RAB38: variants seen among roughly 807,000 people sequenced by gnomAD.
RAB38 encodes the protein RAB38, member RAS oncogene family, also known as ras-related protein Rab-38.
A neutral mutation model predicts 18.4 loss-of-function variants in RAB38; 15 were observed. The ratio of observed to expected loss-of-function variants is 0.82; its 90% CI spans 0.55 to 1.26. The LOEUF (loss-of-function observed/expected upper bound fraction) is 1.26. Among genes scored for constraint, RAB38 ranks in the 50% most tolerant of loss-of-function variants. RAB38 has a pLI of 0.00. For synonymous variants in RAB38, 101 were observed against 104.4 expected (o/e 0.97, Z 0.20); for missense variants, 294 against 267.4 (o/e 1.10, Z -0.69).
At chr11:88,058,652 A>G in the RAB38 span, among the ~76,000 whole-genome samples, 1 of 151,720 alleles carries the variant, frequency 6.6e-6, no homozygotes, top group South Asian at 2.1e-4. Flanking sequence ...AAATAATTTC[A>G]GTAATTTCAT....
chr11:88,165,233 A>C (rs1320846430), intron 1 of RAB38, among the ~76,000 whole-genome samples: 18 of 152,170 alleles, frequency 1.2e-4, no homozygotes, highest in African/African-American at 3.9e-4. Flanking sequence ...CATGGCTAGA[A>C]AATAGGATTT....
chr11:88,157,613 C>T (rs572558277), intron 1 of RAB38, among the ~76,000 whole-genome samples: 88 of 151,746 alleles, frequency 5.8e-4, no homozygotes, highest in African/African-American at 1.9e-3. Flanking sequence ...TCAATCAATT[C>T]GAAAAAAATT....
At chr11:88,010,737 T>G in the RAB38 span, among the ~76,000 whole-genome samples, 1 of 152,174 alleles carries the variant, frequency 6.6e-6, no homozygotes, top group African/African-American at 2.4e-5. Flanking sequence ...TTATTCCTGT[T>G]TTATAAATGG....
At chr11:87,837,822 T>G in the RAB38 span, among the ~76,000 whole-genome samples, 7 of 152,320 alleles carry the variant, frequency 4.6e-5, no homozygotes, top group African/African-American at 1.2e-4. Flanking sequence ...TGGGTAGCCA[T>G]TCACCTAAGG....
intron 1 of RAB38, among the ~76,000 whole-genome samples, chr11:88,167,975 G>A (rs1023929556): frequency 6.6e-6 from 1 of 152,148 alleles, no homozygotes; most frequent in Admixed American, 6.5e-5. Context: ...AGCTTTCAAG[G>A]AATCTCCAAA....
At chr11:88,085,897 C>T in the RAB38 span, among the ~76,000 whole-genome samples, 1 of 151,858 alleles carries the variant, frequency 6.6e-6, no homozygotes, top group Non-Finnish European at 1.5e-5. Context: ...TGTTCTTACA[C>T]CTGAAATTAG....
At chr11:88,072,098 C>T in the RAB38 span, among the ~76,000 whole-genome samples, 98,012 of 152,096 alleles carry the variant, frequency 0.64, 32,099 homozygotes, top group African/African-American at 0.75. Flanking sequence ...AAACAGTCTA[C>T]CTTACCAAAA....
chr11:88,072,944 T>A, the RAB38 span, among the ~76,000 whole-genome samples: 11 of 152,168 alleles, frequency 7.2e-5, no homozygotes, highest in Non-Finnish European at 1.5e-4. Context: ...AGACAATTCC[T>A]GGGACCATAA....
chr11:88,145,504 A>T (rs892527687), intron 2 of RAB38, among the ~76,000 whole-genome samples: 13 of 152,224 alleles, frequency 8.5e-5, no homozygotes, highest in Admixed American at 2.0e-4. Flanking sequence ...GATTTTACAG[A>T]GTGAATTCAA....
the RAB38 span, among the ~76,000 whole-genome samples, chr11:88,076,316 T>A: frequency 6.6e-6 from 1 of 152,038 alleles, no homozygotes; most frequent in Admixed American, 6.6e-5. Context: ...ACAGCTAATA[T>A]TGTACCGAAT....
At chr11:88,022,806 G>T in the RAB38 span, among the ~76,000 whole-genome samples, 1 of 152,036 alleles carries the variant, frequency 6.6e-6, no homozygotes, top group Non-Finnish European at 1.5e-5. Context: ...TGGGCATTTA[G>T]GTTGATTCCA....
chr11:88,162,364 T>C (rs1018715409), intron 1 of RAB38, among the ~76,000 whole-genome samples: 4 of 152,126 alleles, frequency 2.6e-5, no homozygotes, highest in African/African-American at 9.7e-5. Context: ...ACCAAATTTC[T>C]GCAGCCCCTG....
At chr11:87,873,922 G>GTGTTTATATATATATATATATATATA in the RAB38 span, among the ~76,000 whole-genome samples, 1 of 103,120 alleles carries the variant, frequency 9.7e-6, no homozygotes, top group African/African-American at 3.8e-5. Context: ...GTGTGTGTGT[G>GTGTTTATATATATATATATATATATA]TATATATATA....
At chr11:87,875,425 G>A in the RAB38 span, among the ~76,000 whole-genome samples, 1 of 151,318 alleles carries the variant, frequency 6.6e-6, no homozygotes, top group Non-Finnish European at 1.5e-5. Flanking sequence ...GCACTTTAAT[G>A]TCATAAATAA....
chr11:87,908,549 C>G, the RAB38 span, among the ~76,000 whole-genome samples: 97 of 152,116 alleles, frequency 6.4e-4, no homozygotes, highest in African/African-American at 2.3e-3. Context: ...CTGAATTAAT[C>G]ACAGTCTAAT....
chr11:87,836,122 T>G, the RAB38 span, among the ~76,000 whole-genome samples: 1 of 152,202 alleles, frequency 6.6e-6, no homozygotes, highest in Non-Finnish European at 1.5e-5. Context: ...GAGCAGATTC[T>G]TCATACTAGA....
At chr11:88,068,681 A>G in the RAB38 span, among the ~76,000 whole-genome samples, 1 of 152,262 alleles carries the variant, frequency 6.6e-6, no homozygotes, top group Non-Finnish European at 1.5e-5. Context: ...CCCTAACATG[A>G]CAAGTCAACT....
At chr11:88,128,193 G>C (rs185476649) in intron 2 of RAB38, among the ~76,000 whole-genome samples, 19 of 152,300 alleles carry the variant, frequency 1.2e-4, no homozygotes, top group African/African-American at 3.8e-4. Flanking sequence ...ACTATGAGCA[G>C]ATTAAGTCCT....
the RAB38 span, among the ~76,000 whole-genome samples, chr11:88,043,461 C>T: frequency 1.3e-5 from 2 of 152,134 alleles, no homozygotes; most frequent in African/African-American, 2.4e-5. Context: ...TGCACGTATA[C>T]ATCCAGATGG....
Sources: gnomAD v4.1 joint callset for allele counts (sites outside exome capture counted in the v4.1 genomes callset) on GRCh38, gnomAD v4.1.1 for gene constraint, MANE v1.5 for transcripts, NCBI Gene and HGNC (gene_info 2026-07-23, HGNC 2026-07-21) for gene names.